The following DNAJB6 variants were observed in gnomAD, a reference collection of about 807,000 sequenced individuals.
DNAJB6 encodes the protein DnaJ heat shock protein family (Hsp40) member B6, also known as dnaJ homolog subfamily B member 6.
A neutral mutation model predicts 42.7 loss-of-function variants in DNAJB6; 16 were observed. The ratio of observed to expected loss-of-function variants is 0.37; its 90% CI spans 0.25 to 0.57. The LOEUF (loss-of-function observed/expected upper bound fraction) is 0.57. Ranked by LOEUF, DNAJB6 falls within the 20% of genes least tolerant of loss-of-function variation. The probability of loss-of-function intolerance (pLI) is 0.74; values close to 1 mark genes in which losing one functional copy is unlikely to be tolerated. For synonymous variants in DNAJB6, 170 were observed against 163.5 expected (o/e 1.04, Z -0.30); for missense variants, 347 against 416.8 (o/e 0.83, Z 1.46).
At chr7:157,400,067 A>G (rs1185484491) in intron 8 of DNAJB6, among the ~76,000 whole-genome samples, 3 of 152,228 alleles carry the variant, frequency 2.0e-5, no homozygotes, top group African/African-American at 4.8e-5. Context: ...TGTACCACCC[A>G]GTAAAGCCTT....
At chr7:157,339,637 G>A (rs931495338) in intron 1 of DNAJB6, among the ~76,000 whole-genome samples, 4 of 56,722 alleles carry the variant, frequency 7.1e-5, no homozygotes, top group African/African-American at 1.8e-4. Flanking sequence ...GTGTGTGTGT[G>A]TGTGTGTGTG....
intron 9 of DNAJB6, chr7:157,413,525 T>C (rs1192828715): frequency 6.6e-6 from 1 of 152,186 alleles, no homozygotes; most frequent in African/African-American, 2.4e-5. Flanking sequence ...TAAGAAAACT[T>C]AAGTCGTTTT....
At chr7:157,339,005 A>G (rs1478935472) in intron 1 of DNAJB6, among the ~76,000 whole-genome samples, 1 of 152,230 alleles carries the variant, frequency 6.6e-6, no homozygotes, top group African/African-American at 2.4e-5. Context: ...TCTGGATATG[A>G]AAGTGTTAGG....
rs576192023 is a variant in DNAJB6, at chr7:157,404,795, C to T, written c.692-5000C>T. Among the ~76,000 whole-genome samples the T allele has an allele frequency of 8.6e-5, 13 of 152,034 alleles. No homozygotes were observed. The East Asian group carries it at 1.4e-3, about 16-fold the overall frequency. On this transcript the variant is annotated intron_variant, in intron 8 of 9. Coordinates refer to ENST00000262177, the MANE Select transcript of DNAJB6 (RefSeq NM_058246.4). ...TGCTGGGATTATAGGCGTGAGCCAC[C>T]GTGCCTGGCCCAGATGGGGTCTTTC...
chr7:157,384,282 A>G (rs781157613), intron 6 of DNAJB6, among the ~76,000 whole-genome samples: 4 of 152,200 alleles, frequency 2.6e-5, no homozygotes, highest in South Asian at 2.1e-4. Flanking sequence ...TCTTTCTGCA[A>G]TTATTTTAGT....
chr7:157,378,094 A>G (rs1239135187), intron 5 of DNAJB6: 1 of 152,226 alleles, frequency 6.6e-6, no homozygotes, highest in Non-Finnish European at 1.5e-5. Flanking sequence ...TATGACAAGT[A>G]TTGGTCACAA....
At chr7:157,341,135 T>G (rs1438203092) in intron 1 of DNAJB6, among the ~76,000 whole-genome samples, 2 of 151,856 alleles carry the variant, frequency 1.3e-5, no homozygotes, top group African/African-American at 2.4e-5. Context: ...TTTAGATTTT[T>G]TTGTTGTTGT....
intron 8 of DNAJB6, among the ~76,000 whole-genome samples, chr7:157,405,246 C>A (rs954648733): frequency 1.3e-5 from 2 of 152,168 alleles, no homozygotes; most frequent in African/African-American, 4.8e-5. Flanking sequence ...GCAGGATGTT[C>A]GAGAGAATGT....
At chr7:157,353,058 G>A (rs561971835) in intron 1 of DNAJB6, among the ~76,000 whole-genome samples, 1 of 151,982 alleles carries the variant, frequency 6.6e-6, no homozygotes, top group Non-Finnish European at 1.5e-5. Context: ...TCTCGTTAAG[G>A]TCAGGAATTG....
intron 8 of DNAJB6, among the ~76,000 whole-genome samples, chr7:157,402,405 G>A (rs78802885): frequency 0.062 from 9,491 of 152,276 alleles, 338 homozygotes; most frequent in Middle Eastern, 0.092. Flanking sequence ...GGCCTGCAGC[G>A]AGGCCCCCTC....
chr7:157,411,882 C>CT (rs1351716438), intron 9 of DNAJB6: 1 of 152,058 alleles, frequency 6.6e-6, no homozygotes, highest in East Asian at 1.9e-4. Flanking sequence ...TCGGCTTCCC[C>CT]GCCATACACC....
chr7:157,402,978 C>T (rs537946123), intron 8 of DNAJB6, among the ~76,000 whole-genome samples: 110 of 152,270 alleles, frequency 7.2e-4, no homozygotes, highest in African/African-American at 2.4e-3. Context: ...AGGACACGCC[C>T]GTGACACAGC....
At chr7:157,392,782 T>C (rs1039158272) in intron 8 of DNAJB6, among the ~76,000 whole-genome samples, 3 of 152,158 alleles carry the variant, frequency 2.0e-5, no homozygotes, top group Admixed American at 1.3e-4. Flanking sequence ...TTTTTTAACA[T>C]CCTGTTTTAC....
chr7:157,344,757 G>A (rs999609620), intron 1 of DNAJB6, among the ~76,000 whole-genome samples: 4 of 151,990 alleles, frequency 2.6e-5, no homozygotes, highest in Non-Finnish European at 5.9e-5. Context: ...GGGACTACAG[G>A]TGCACACTGC....
At chr7:157,371,657 G>GC (rs1800216879) in intron 5 of DNAJB6, among the ~76,000 whole-genome samples, 1 of 152,248 alleles carries the variant, frequency 6.6e-6, no homozygotes, top group Non-Finnish European at 1.5e-5. Flanking sequence ...AGAATGTGGA[G>GC]CACATGCAAA....
At chr7:157,384,689 A>T (rs1800964139) in intron 6 of DNAJB6, among the ~76,000 whole-genome samples, 178 bp from the exon 7 acceptor site, 1 of 152,320 alleles carries the variant, frequency 6.6e-6, no homozygotes, top group Non-Finnish European at 1.5e-5. Context: ...TCTGAGAGAC[A>T]GTCTTTCCCC....
intron 4 of DNAJB6, among the ~76,000 whole-genome samples, chr7:157,367,103 T>C (rs957881239): frequency 5.3e-5 from 8 of 152,202 alleles, no homozygotes; most frequent in Non-Finnish European, 1.2e-4. Flanking sequence ...AAATGGTGTG[T>C]AATGTTACAT....
Position 157,367,378 on chromosome 7 carries a change from A to T in DNAJB6, c.241A>T (p.Ser81Cys). 6.2e-7 allele frequency: 1 copy of T among 1,604,466 alleles called. No individual in the cohort carries two copies. The highest frequency in any genetic ancestry group is 8.5e-7 in the Non-Finnish European group (1 of 1,171,206). ...EGLNGGGGGG[S>C]HFDSPFEFGF... ...GCTGTGTTGTATTTGTGCAGGTGGA[A>T]GTCATTTTGACAGTCCATTTGAATT... Residue 81 changes from serine (S) to cysteine (C), a missense_variant, in exon 5 of 10, where the codon AGT (serine) becomes TGT (cysteine). By Grantham distance (112) the Ser-to-Cys change is moderately radical (BLOSUM62 -1). Coordinates refer to ENST00000262177, the MANE Select transcript of DNAJB6 (RefSeq NM_058246.4).
chr7:157,388,421 A>C (rs1801182527), intron 8 of DNAJB6, among the ~76,000 whole-genome samples: 1 of 152,220 alleles, frequency 6.6e-6, no homozygotes, highest in Admixed American at 6.5e-5. Context: ...TAAATTCAAC[A>C]GTCTCTTTAC....
Sources: gnomAD v4.1 joint callset for allele counts (sites outside exome capture counted in the v4.1 genomes callset) on GRCh38, gnomAD v4.1.1 for gene constraint, MANE v1.5 for transcripts, NCBI Gene and HGNC (gene_info 2026-07-23, HGNC 2026-07-21) for gene names.